The following DCC variants were observed in gnomAD, a reference collection of about 807,000 sequenced individuals.
The protein encoded by DCC is DCC netrin 1 receptor, also known as netrin receptor DCC.
DCC carries 58 observed loss-of-function variants against 172.5 expected under a neutral mutation model. The ratio of observed to expected loss-of-function variants is 0.34; its 90% CI spans 0.27 to 0.42. The LOEUF (loss-of-function observed/expected upper bound fraction) is 0.42. Ranked by LOEUF, DCC falls within the 10% of genes least tolerant of loss-of-function variation. The pLI, the probability that DCC is intolerant of heterozygous loss-of-function variation, is 1.00. For synonymous variants in DCC, 709 were observed against 644.5 expected, an observed-to-expected ratio of 1.10 and a Z score of -1.52; for missense variants, 1,740 against 1,791.0, an observed-to-expected ratio of 0.97 and a Z score of 0.51.
chr18:53,007,147 T>G (rs2041658756), intron 5 of DCC, among the ~76,000 whole-genome samples: 2 of 152,176 alleles, frequency 1.3e-5, no homozygotes, highest in Non-Finnish European at 2.9e-5. Flanking sequence ...TAGAACAAAA[T>G]TATTTGCATC....
At chr18:53,402,402 A>T (rs77921848) in intron 18 of DCC, among the ~76,000 whole-genome samples, 1 of 54,146 alleles carries the variant, frequency 1.8e-5, no homozygotes, top group African/African-American at 4.1e-5. Flanking sequence ...AAAAAAAAAA[A>T]AATAAATAAA....
chr18:52,754,750 T>C (rs1284749138), intron 2 of DCC, among the ~76,000 whole-genome samples: 1 of 152,228 alleles, frequency 6.6e-6, no homozygotes, highest in Non-Finnish European at 1.5e-5. Context: ...CTGCTTTTCT[T>C]TGGACTGACT....
intron 7 of DCC, among the ~76,000 whole-genome samples, chr18:53,070,901 G>T (rs561446707): frequency 1.0e-3 from 153 of 152,300 alleles, no homozygotes; most frequent in African/African-American, 3.3e-3. Flanking sequence ...CACAGGCCGC[G>T]TGCACAGATG....
chr18:52,425,296 C>G (rs1390934596), intron 1 of DCC, among the ~76,000 whole-genome samples: 1 of 152,116 alleles, frequency 6.6e-6, no homozygotes, highest in African/African-American at 2.4e-5. Flanking sequence ...TCCCTCTTCT[C>G]TTTCTGCTTC....
At chr18:53,068,260 T>C (rs1371404301) in intron 7 of DCC, among the ~76,000 whole-genome samples, 1 of 152,164 alleles carries the variant, frequency 6.6e-6, no homozygotes, top group Non-Finnish European at 1.5e-5. Context: ...ACTTTTTTTC[T>C]TTTAATTTTA....
At chr18:53,466,673 C>A (rs1034458690) in intron 24 of DCC, among the ~76,000 whole-genome samples, 3 of 152,174 alleles carry the variant, frequency 2.0e-5, no homozygotes, top group South Asian at 4.2e-4. Context: ...CTACAGGCAG[C>A]CACCACCACA....
chr18:53,334,810 C>T (rs2057573261), intron 14 of DCC, among the ~76,000 whole-genome samples: 1 of 152,112 alleles, frequency 6.6e-6, no homozygotes, highest in African/African-American at 2.4e-5. Context: ...TGTGTATATA[C>T]CACATTTTAA....
At chr18:52,613,140 T>C (rs1375352640) in intron 1 of DCC, among the ~76,000 whole-genome samples, 1 of 152,212 alleles carries the variant, frequency 6.6e-6, no homozygotes, top group African/African-American at 2.4e-5. Flanking sequence ...TTTGCATGAT[T>C]TTTATTATTT....
chr18:52,844,629 T>G (rs2038857556), intron 2 of DCC, among the ~76,000 whole-genome samples: 1 of 152,184 alleles, frequency 6.6e-6, no homozygotes, highest in Admixed American at 6.5e-5. Flanking sequence ...ATTATGTAGA[T>G]CAGTATTATC....
At chr18:53,038,405 C>T (rs1167064548) in intron 5 of DCC, among the ~76,000 whole-genome samples, 2 of 151,882 alleles carry the variant, frequency 1.3e-5, no homozygotes, top group Non-Finnish European at 1.5e-5. Flanking sequence ...ACCCTCAGGA[C>T]CTAATCTAAA....
In DCC at chr18:53,428,953, CATATT is replaced by C. The variant is rs1321560979; in HGVS notation, c.3164-6185_3164-6181del. ...TTTATATATAATAAATTATATATAA[CATATT>C]ATATTTTATATATAACATATATATA... On this transcript the variant is annotated intron_variant, in intron 21 of 28. Coordinates refer to ENST00000442544, the MANE Select transcript of DCC (RefSeq NM_005215.4). Among the ~76,000 whole-genome samples, 6 of 50,022 alleles carry C rather than the reference CATATT, an allele frequency of 1.2e-4. 2 individuals carry two copies. The highest frequency in any genetic ancestry group is 3.9e-4 in the African/African-American group (6 of 15,524). 32.8% of individuals were successfully genotyped at this position (50,022 alleles called of 152,430 possible).
chr18:52,353,511 C>T (rs1004479778), intron 1 of DCC, among the ~76,000 whole-genome samples: 5 of 152,208 alleles, frequency 3.3e-5, no homozygotes, highest in African/African-American at 1.2e-4. Flanking sequence ...CTACCCCATA[C>T]TGAACCTCGC....
chr18:53,002,509 G>A (rs1395205151), intron 5 of DCC, among the ~76,000 whole-genome samples: 4 of 152,036 alleles, frequency 2.6e-5, no homozygotes, highest in Non-Finnish European at 5.9e-5. Context: ...CAAGGATGGT[G>A]AGATAATTCA....
chr18:52,606,862 G>A (rs2034142354), intron 1 of DCC, among the ~76,000 whole-genome samples: 1 of 152,092 alleles, frequency 6.6e-6, no homozygotes, highest in African/African-American at 2.4e-5. Flanking sequence ...CAAAGTTATG[G>A]CCAATCTATC....
In DCC at chr18:53,043,375, A is replaced by T. The variant is rs1414038563; in HGVS notation, c.986-19930A>T. Among the ~76,000 whole-genome samples the T allele has an allele frequency of 2.0e-5, 3 of 152,064 alleles. No homozygotes were observed. The South Asian group carries it at 6.2e-4, about 32-fold the overall frequency. ...AATACCTAATGTAGATGACATGTTGATGGGTGCAGCAAACCACCATGGCAC... is the reference window on the plus strand; with the variant it reads ...AATACCTAATGTAGATGACATGTTGTTGGGTGCAGCAAACCACCATGGCAC... On this transcript the variant is annotated intron_variant, in intron 5 of 28. Coordinates refer to ENST00000442544, the MANE Select transcript of DCC (RefSeq NM_005215.4).
At chr18:52,708,813 C>A (rs2036251551) in intron 1 of DCC, among the ~76,000 whole-genome samples, 1 of 152,132 alleles carries the variant, frequency 6.6e-6, no homozygotes, top group Non-Finnish European at 1.5e-5. Flanking sequence ...TTATACCAAA[C>A]CTACAACATA....
At chr18:53,128,854 CACACACACACACACACAT>C (rs1477796198) in intron 7 of DCC, among the ~76,000 whole-genome samples, 4 of 73,064 alleles carry the variant, frequency 5.5e-5, no homozygotes, top group South Asian at 6.8e-4. Context: ...CACACACACA[CACACACACACACACACAT>C]ATATATATAT....
chr18:53,436,153 C>T (rs548615108), intron 22 of DCC, among the ~76,000 whole-genome samples: 4 of 152,236 alleles, frequency 2.6e-5, no homozygotes, highest in Admixed American at 1.3e-4. Context: ...ATGTTTACTA[C>T]GTATGTATAC....
intron 1 of DCC, among the ~76,000 whole-genome samples, chr18:52,610,920 G>A (rs1373041242): frequency 6.6e-6 from 1 of 152,106 alleles, no homozygotes; most frequent in Non-Finnish European, 1.5e-5. Flanking sequence ...AAAGGCTACA[G>A]TTTGCTGACT....
Sources: gnomAD v4.1 joint callset for allele counts (sites outside exome capture counted in the v4.1 genomes callset) on GRCh38, gnomAD v4.1.1 for gene constraint, MANE v1.5 for transcripts, NCBI Gene and HGNC (gene_info 2026-07-23, HGNC 2026-07-21) for gene names.